Variants in RANBP2 observed in about 807,000 individuals in gnomAD.
RANBP2 encodes the protein E3 SUMO-protein ligase RanBP2.
In RANBP2, 57 loss-of-function variants were observed where a neutral mutation model predicts 303.6. That is an observed-to-expected ratio of 0.19 (90% CI 0.15 to 0.23). The LOEUF (loss-of-function observed/expected upper bound fraction) is 0.23. RANBP2 is among the 10% of genes least tolerant of loss of function. RANBP2 has a pLI of 1.00. For synonymous variants in RANBP2, 1,167 were observed against 1,301.5 expected, an observed-to-expected ratio of 0.90 and a Z score of 2.23; for missense variants, 3,138 against 3,780.8, an observed-to-expected ratio of 0.83 and a Z score of 4.46.
the RANBP2 span, among the ~76,000 whole-genome samples, chr2:109,190,245 C>A: frequency 6.6e-6 from 1 of 152,000 alleles, no homozygotes; most frequent in Admixed American, 6.5e-5. Context: ...GTGATCTTGG[C>A]CCACTGCAAC....
the RANBP2 span, among the ~76,000 whole-genome samples, chr2:109,658,561 T>C: frequency 2.6e-5 from 4 of 152,136 alleles, no homozygotes; most frequent in Non-Finnish European, 4.4e-5. Flanking sequence ...TGGGAAAGGA[T>C]CTTATTAAAA....
At chr2:109,515,159 C>T in the RANBP2 span, among the ~76,000 whole-genome samples, 59 of 152,194 alleles carry the variant, frequency 3.9e-4, no homozygotes, top group Non-Finnish European at 6.0e-4. Flanking sequence ...TGACCAATGG[C>T]GGCCAGGGCC....
the RANBP2 span, among the ~76,000 whole-genome samples, chr2:109,659,051 C>T: frequency 1.0e-4 from 13 of 129,824 alleles, no homozygotes; most frequent in South Asian, 3.0e-3. Context: ...GGTGACAGGG[C>T]GAGACTCCGC....
the RANBP2 span, among the ~76,000 whole-genome samples, chr2:109,510,903 T>C: frequency 6.6e-6 from 1 of 152,184 alleles, no homozygotes; most frequent in South Asian, 2.1e-4. Context: ...CAGGAGCCCC[T>C]GGCCTCCTCG....
chr2:109,152,788 C>G, the RANBP2 span, among the ~76,000 whole-genome samples: 1 of 152,268 alleles, frequency 6.6e-6, no homozygotes, highest in South Asian at 2.1e-4. Flanking sequence ...GCCCGATGGC[C>G]TGATGGTGGG....
chr2:109,599,458 C>CA, the RANBP2 span, among the ~76,000 whole-genome samples: 13,268 of 62,782 alleles, frequency 0.21, 900 homozygotes, highest in Non-Finnish European at 0.25. Flanking sequence ...ACTCAGTCTC[C>CA]AAAAAAAAAA....
At chr2:109,714,789 T>C in the RANBP2 span, among the ~76,000 whole-genome samples, 2 of 152,058 alleles carry the variant, frequency 1.3e-5, no homozygotes, top group African/African-American at 4.8e-5. Flanking sequence ...ATTGTAGTTT[T>C]AGCAGAGACA....
At chr2:109,245,143 G>C in the RANBP2 span, among the ~76,000 whole-genome samples, 1 of 152,178 alleles carries the variant, frequency 6.6e-6, no homozygotes, top group Non-Finnish European at 1.5e-5. Flanking sequence ...CTCACGGGAA[G>C]CTCCCCTGCT....
At chr2:109,618,256 A>G in the RANBP2 span, 2 of 166,580 alleles carry the variant, frequency 1.2e-5, no homozygotes, top group Non-Finnish European at 2.9e-5. Context: ...ATAAGCTATA[A>G]CATCCCATTG....
downstream of RANBP2, chr2:108,786,866 T>A: frequency 6.3e-7 from 1 of 1,584,068 alleles, no homozygotes; most frequent in Non-Finnish European, 8.6e-7. Flanking sequence ...GATTTAGTAG[T>A]GGAGAGTCTC....
intron 4 of RANBP2, among the ~76,000 whole-genome samples, chr2:108,733,967 A>G (rs1436100935): frequency 2.6e-5 from 4 of 151,814 alleles, no homozygotes; most frequent in Non-Finnish European, 5.9e-5. Context: ...TTAATGAATG[A>G]GAGTATTACT....
At chr2:109,021,792 A>G in the RANBP2 span, among the ~76,000 whole-genome samples, 86,856 of 151,930 alleles carry the variant, frequency 0.57, 25,776 homozygotes, top group East Asian at 0.84. Flanking sequence ...CCTTAAAAAG[A>G]AGACAGCAGA....
the RANBP2 span, among the ~76,000 whole-genome samples, chr2:109,244,543 C>T: frequency 7.7e-3 from 1,173 of 152,266 alleles, 10 homozygotes; most frequent in Non-Finnish European, 0.011. Context: ...CTGTTTGGAA[C>T]TGTTTTTAAG....
the RANBP2 span, among the ~76,000 whole-genome samples, chr2:108,951,536 T>C: frequency 1.3e-5 from 2 of 152,138 alleles, no homozygotes; most frequent in Non-Finnish European, 2.9e-5. Flanking sequence ...TTTAGATGTG[T>C]GTTTAAATTT....
the RANBP2 span, among the ~76,000 whole-genome samples, chr2:109,118,796 T>A: frequency 0.21 from 31,880 of 151,964 alleles, 4,765 homozygotes; most frequent in East Asian, 0.64. Flanking sequence ...GATAAAAGTT[T>A]CTGAAAGATG....
the RANBP2 span, among the ~76,000 whole-genome samples, chr2:109,001,920 C>T: frequency 6.6e-6 from 1 of 151,858 alleles, no homozygotes; most frequent in African/African-American, 2.4e-5. Flanking sequence ...TTAGTAGAGA[C>T]AGGGTTTCAC....
chr2:109,679,643 A>G, the RANBP2 span, among the ~76,000 whole-genome samples: 39 of 152,292 alleles, frequency 2.6e-4, no homozygotes, highest in Non-Finnish European at 5.1e-4. Flanking sequence ...AAGACTCCTT[A>G]GAGTAGAAAT....
the RANBP2 span, among the ~76,000 whole-genome samples, chr2:108,965,452 G>A: frequency 7.8e-6 from 1 of 128,178 alleles, no homozygotes; most frequent in Non-Finnish European, 1.6e-5. Context: ...GAGACAGAGC[G>A]AGATTTCGTC....
the RANBP2 span, among the ~76,000 whole-genome samples, chr2:109,073,284 G>T: frequency 6.6e-6 from 1 of 152,064 alleles, no homozygotes; most frequent in East Asian, 1.9e-4. Flanking sequence ...TAATAGAGGG[G>T]TTCAATAGCA....
Sources: gnomAD v4.1 joint callset for allele counts (sites outside exome capture counted in the v4.1 genomes callset) on GRCh38, gnomAD v4.1.1 for gene constraint, MANE v1.5 for transcripts, NCBI Gene and HGNC (gene_info 2026-07-23, HGNC 2026-07-21) for gene names.